The following TMCC1 variants were observed in gnomAD, a reference collection of about 807,000 sequenced individuals.
The protein encoded by TMCC1 is transmembrane and coiled-coil domain family 1.
Under a neutral mutation model 52.4 loss-of-function variants are expected in TMCC1, and 15 were observed. That is an observed-to-expected ratio of 0.29 (90% CI 0.19 to 0.44). TMCC1 has a LOEUF of 0.44. Ranked by LOEUF, TMCC1 falls within the 20% of genes least tolerant of loss-of-function variation. The probability of loss-of-function intolerance (pLI) is 1.00; values close to 1 mark genes in which losing one functional copy is unlikely to be tolerated. For missense variants in TMCC1, 503 were observed against 806.0 expected, an observed-to-expected ratio of 0.62 and a Z score of 4.55; for synonymous variants, 279 against 301.9, an observed-to-expected ratio of 0.92 and a Z score of 0.79.
At chr3:129,677,618 A>G (rs1213748272) in intron 4 of TMCC1, among the ~76,000 whole-genome samples, 2 of 152,178 alleles carry the variant, frequency 1.3e-5, no homozygotes, top group African/African-American at 2.4e-5. Flanking sequence ...AGCAATTGTG[A>G]TAAGATGAAA....
intron 4 of TMCC1, among the ~76,000 whole-genome samples, chr3:129,708,908 T>C (rs2048440143): frequency 6.6e-6 from 1 of 152,124 alleles, no homozygotes; most frequent in Non-Finnish European, 1.5e-5. Flanking sequence ...AAAAAGGAAA[T>C]GGGTTTAATC....
intron 4 of TMCC1, among the ~76,000 whole-genome samples, chr3:129,699,851 T>C (rs558946671): frequency 1.5e-4 from 23 of 152,176 alleles, no homozygotes; most frequent in Admixed American, 4.6e-4. Context: ...GAAAAACAGC[T>C]TGGGCCCAGG....
intron 4 of TMCC1, among the ~76,000 whole-genome samples, chr3:129,710,162 G>T (rs2048564142): frequency 6.7e-6 from 1 of 149,854 alleles, no homozygotes; most frequent in African/African-American, 2.5e-5. Flanking sequence ...TTCCAGCCTG[G>T]GCGACAGAGC....
At chr3:129,705,123 T>C (rs1387104935) in intron 4 of TMCC1, among the ~76,000 whole-genome samples, 1 of 152,126 alleles carries the variant, frequency 6.6e-6, no homozygotes, top group Non-Finnish European at 1.5e-5. Flanking sequence ...ATCAAACGAG[T>C]GCTGTGCAAA....
chr3:129,774,345 T>A (rs1223922024), intron 4 of TMCC1, among the ~76,000 whole-genome samples: 1 of 152,218 alleles, frequency 6.6e-6, no homozygotes, highest in African/African-American at 2.4e-5. Context: ...AAAGTATCAA[T>A]AGGCTGTATA....
chr3:129,856,570 T>C (rs2060155987), intron 2 of TMCC1, among the ~76,000 whole-genome samples: 5 of 152,172 alleles, frequency 3.3e-5, no homozygotes, highest in Admixed American at 3.3e-4. Flanking sequence ...ATTTCAAACA[T>C]GTATGAGCAA....
At chr3:129,655,204 A>G (rs1186975783) in intron 5 of TMCC1, 101 bp from the exon 6 acceptor site, 10 of 1,407,994 alleles carry the variant, frequency 7.1e-6, no homozygotes, top group Non-Finnish European at 7.6e-6. Flanking sequence ...AAAGGAATAG[A>G]AGCACAAAGA....
At chr3:129,703,311 C>T (rs906460444) in intron 4 of TMCC1, among the ~76,000 whole-genome samples, 3 of 152,194 alleles carry the variant, frequency 2.0e-5, no homozygotes, top group Admixed American at 6.5e-5. Flanking sequence ...TCTTTCCAAG[C>T]TTCTTAAAAT....
At chr3:129,674,944 G>A (rs969562735) in intron 4 of TMCC1, among the ~76,000 whole-genome samples, 15 of 152,056 alleles carry the variant, frequency 9.9e-5, no homozygotes, top group Non-Finnish European at 2.1e-4. Context: ...GGCTTCAAGC[G>A]ATTCTCCTGC....
chr3:129,823,609 C>T (rs1396760960), intron 4 of TMCC1, among the ~76,000 whole-genome samples: 1 of 152,044 alleles, frequency 6.6e-6, no homozygotes, highest in Non-Finnish European at 1.5e-5. Flanking sequence ...AGAAAAAATG[C>T]TGTACTGAGA....
chr3:129,721,376 C>T (rs966632331), intron 4 of TMCC1, among the ~76,000 whole-genome samples: 3 of 152,116 alleles, frequency 2.0e-5, no homozygotes, highest in African/African-American at 7.2e-5. Flanking sequence ...GGATCTTGCT[C>T]TGTCACCCAG....
intron 4 of TMCC1, among the ~76,000 whole-genome samples, chr3:129,739,710 G>A (rs2051289677): frequency 6.6e-6 from 1 of 152,152 alleles, no homozygotes; most frequent in South Asian, 2.1e-4. Context: ...GAACTCACTG[G>A]CAAGCAGTCT....
chr3:129,681,972 G>A (rs1330397602), intron 4 of TMCC1, among the ~76,000 whole-genome samples: 2 of 148,566 alleles, frequency 1.3e-5, no homozygotes, highest in South Asian at 2.2e-4. Context: ...GAAAGGGAGA[G>A]GCCAGAAAAG....
At chr3:129,773,157 C>T (rs772083527) in intron 4 of TMCC1, among the ~76,000 whole-genome samples, 66 of 152,120 alleles carry the variant, frequency 4.3e-4, no homozygotes, top group Non-Finnish European at 8.2e-4. Context: ...ATCGTCTAAT[C>T]CCACAATGGA....
chr3:129,843,181 C>T (rs2059500729), intron 2 of TMCC1, among the ~76,000 whole-genome samples: 1 of 151,906 alleles, frequency 6.6e-6, no homozygotes, highest in African/African-American at 2.4e-5. Flanking sequence ...CCCATTTGTA[C>T]TGAAAATACA....
intron 4 of TMCC1, among the ~76,000 whole-genome samples, chr3:129,823,241 G>C (rs183720429): frequency 6.6e-6 from 1 of 152,006 alleles, no homozygotes; most frequent in Non-Finnish European, 1.5e-5. Flanking sequence ...CAGGAGAATC[G>C]CTTGAACCCA....
intron 4 of TMCC1, among the ~76,000 whole-genome samples, chr3:129,805,614 G>A (rs1194638473): frequency 5.9e-5 from 9 of 152,150 alleles, no homozygotes; most frequent in South Asian, 4.1e-4. Flanking sequence ...ACTAGAATCC[G>A]TTTGTTTCTA....
intron 1 of TMCC1, among the ~76,000 whole-genome samples, chr3:129,885,430 C>A (rs1372730006): frequency 1.3e-5 from 2 of 151,732 alleles, no homozygotes; most frequent in Non-Finnish European, 2.9e-5. Flanking sequence ...TACAAAAACA[C>A]AAAAATTAGC....
At chr3:129,718,513 T>C (rs751854152) in intron 4 of TMCC1, among the ~76,000 whole-genome samples, 60 of 152,282 alleles carry the variant, frequency 3.9e-4, no homozygotes, top group Non-Finnish European at 4.9e-4. Flanking sequence ...AATAATACCA[T>C]GAGATGCGTA....
Sources: gnomAD v4.1 joint callset for allele counts (sites outside exome capture counted in the v4.1 genomes callset) on GRCh38, gnomAD v4.1.1 for gene constraint, MANE v1.5 for transcripts, NCBI Gene and HGNC (gene_info 2026-07-23, HGNC 2026-07-21) for gene names.